Variants in GPATCH2 observed in about 807,000 individuals in gnomAD.
The protein encoded by GPATCH2 is G patch domain-containing protein 2.
A neutral mutation model predicts 58.0 loss-of-function variants in GPATCH2; 51 were observed. The ratio of observed to expected loss-of-function variants is 0.88; its 90% confidence interval spans 0.70 to 1.11. GPATCH2 has a LOEUF of 1.11. GPATCH2 is among the 50% of genes most tolerant of loss of function. GPATCH2 has a pLI of 0.00. For missense variants in GPATCH2, 625 were observed against 652.2 expected (o/e 0.96, Z 0.45); for synonymous variants, 222 against 218.5 (o/e 1.02, Z -0.14).
At chr1:217,534,242 A>C (rs536947757) in intron 5 of GPATCH2, among the ~76,000 whole-genome samples, 1 of 152,296 alleles carries the variant, frequency 6.6e-6, no homozygotes, top group African/African-American at 2.4e-5. Context: ...ATGAAAATAA[A>C]AAGATTCTTA....
chr1:217,449,205 G>A, intron 9 of GPATCH2, 44 bp downstream of exon 9: 1 of 961,644 alleles, frequency 1.0e-6, no homozygotes, highest in Middle Eastern at 2.1e-4. Flanking sequence ...CATGATTTAT[G>A]AACTCTACAT....
intron 5 of GPATCH2, among the ~76,000 whole-genome samples, chr1:217,604,583 C>T (rs1668269686): frequency 6.6e-6 from 1 of 152,080 alleles, no homozygotes; most frequent in African/African-American, 2.4e-5. Context: ...GAATTCCACT[C>T]AAAAAATGTT....
chr1:217,543,858 G>T (rs17046585), intron 5 of GPATCH2, among the ~76,000 whole-genome samples: 32,227 of 152,012 alleles, frequency 0.21, 4,033 homozygotes, highest in East Asian at 0.36. Context: ...GGCAGGAAAA[G>T]CCATAGTTAT....
intron 8 of GPATCH2, among the ~76,000 whole-genome samples, chr1:217,454,105 G>A (rs1659805830): frequency 6.6e-6 from 1 of 152,090 alleles, no homozygotes; most frequent in South Asian, 2.1e-4. Flanking sequence ...AGCCCCATGT[G>A]AACTTCCTTT....
chr1:217,619,168 C>T (rs1021017418), intron 2 of GPATCH2, among the ~76,000 whole-genome samples: 1 of 152,086 alleles, frequency 6.6e-6, no homozygotes, highest in African/African-American at 2.4e-5. Context: ...TGATCACTTA[C>T]CTTTTGATGC....
chr1:217,611,902 A>G (rs187751650), intron 3 of GPATCH2, among the ~76,000 whole-genome samples: 75 of 152,298 alleles, frequency 4.9e-4, no homozygotes, highest in African/African-American at 1.8e-3. Flanking sequence ...GACACAGGCC[A>G]GTCATGGTGG....
In GPATCH2 at chr1:217,617,545, G is replaced by GC. The variant is rs1399460771; in HGVS notation, c.773+2237dup. 4.6e-5 allele frequency among the ~76,000 whole-genome samples: 7 copies of GC among 151,938 alleles called. No homozygotes were observed. The South Asian group carries it at 6.2e-4, about 14-fold the overall frequency. On this transcript the variant is annotated intron_variant, in intron 2 of 9. Transcript: ENST00000366935. ...TTGTTAAATCTGACACACACACACA[G>GC]CCCCCCACACTGAAGTTTCTCTTAT...
At chr1:217,437,006 A>G (rs1271030111) in intron 9 of GPATCH2, among the ~76,000 whole-genome samples, 2 of 152,110 alleles carry the variant, frequency 1.3e-5, no homozygotes, top group African/African-American at 4.8e-5. Context: ...AAGGTGGGTG[A>G]TTTCTGCATT....
At chr1:217,595,766 C>T (rs1667795033) in intron 5 of GPATCH2, among the ~76,000 whole-genome samples, 1 of 152,074 alleles carries the variant, frequency 6.6e-6, no homozygotes, top group Non-Finnish European at 1.5e-5. Context: ...TCCCAAAGTG[C>T]TGGGATTACA....
chr1:217,492,828 A>G (rs1004233363), intron 7 of GPATCH2: 1 of 152,210 alleles, frequency 6.6e-6, no homozygotes, highest in Non-Finnish European at 1.5e-5. Context: ...CTTAAATGCT[A>G]TGATTATAAT....
rs188182722 is a variant in GPATCH2 at position 217,507,239 on chromosome 1, T to C, written c.1166+7583A>G. 9.1e-4 allele frequency among the ~76,000 whole-genome samples: 139 copies of C among 152,328 alleles called. 1 individual carries two copies. Among genetic ancestry groups the C allele is most frequent in the Admixed American group, 3.0e-3 (46 of 15,300 alleles). On this transcript the variant is annotated intron_variant, in intron 6 of 9. Transcript: ENST00000366935. Reference sequence around the variant, plus strand: ...GTAAAAGAATGAGAACACTGGGCTGTGTGATCTTTTAAGATTCCTTTGGGT... The same window carrying C: ...GTAAAAGAATGAGAACACTGGGCTGCGTGATCTTTTAAGATTCCTTTGGGT...
chr1:217,623,880 C>T (rs891510007), intron 1 of GPATCH2, among the ~76,000 whole-genome samples: 1 of 150,992 alleles, frequency 6.6e-6, no homozygotes, highest in Non-Finnish European at 1.5e-5. Context: ...CCAGCCTGGG[C>T]GAAAAGAGCA....
chr1:217,627,797 C>A (rs1235526755), intron 1 of GPATCH2, among the ~76,000 whole-genome samples: 1 of 151,412 alleles, frequency 6.6e-6, no homozygotes, highest in African/African-American at 2.4e-5. Flanking sequence ...GAAGACCATG[C>A]TTCTGATTTT....
At chr1:217,434,370 AAGC>A (rs972247172) in intron 9 of GPATCH2, among the ~76,000 whole-genome samples, 55 of 152,362 alleles carry the variant, frequency 3.6e-4, no homozygotes, top group African/African-American at 1.1e-3. Context: ...TATAACAAAA[AAGC>A]AGTTAATTTT....
Position 217,495,577 on chromosome 1 carries a change from A to G in GPATCH2, c.1206+2779T>C, listed in dbSNP as rs1042578341. On this transcript the variant is annotated intron_variant, in intron 7 of 9. Transcript: ENST00000366935. ...CTTCAGAATTAAAGAAGACAAAACA[A>G]AAAATGATGCTTCCTATAGTTGCCT... Among the ~76,000 whole-genome samples the G allele has an allele frequency of 5.3e-5, 8 of 152,340 alleles. No homozygotes were observed. In the East Asian group the frequency reaches 1.3e-3, roughly 26 times the overall value.
At chr1:217,616,979 T>C (rs1162719890) in intron 2 of GPATCH2, among the ~76,000 whole-genome samples, 1 of 151,838 alleles carries the variant, frequency 6.6e-6, no homozygotes, top group African/African-American at 2.4e-5. Context: ...TATCATATCG[T>C]AATTCACTTC....
intron 9 of GPATCH2, among the ~76,000 whole-genome samples, chr1:217,438,890 CAA>C (rs1658988295): frequency 6.6e-6 from 1 of 152,140 alleles, no homozygotes; most frequent in African/African-American, 2.4e-5. Flanking sequence ...TAGAGACCTA[CAA>C]AGAGACTTAG....
intron 5 of GPATCH2, among the ~76,000 whole-genome samples, chr1:217,554,334 A>G (rs75115756): frequency 0.091 from 13,786 of 152,210 alleles, 947 homozygotes; most frequent in African/African-American, 0.18. Flanking sequence ...GGGCAACCTC[A>G]TCCTCACTGA....
At position 217,430,509 on chromosome 1, in the gene GPATCH2, G is replaced by A. The variant is rs1443509259; in HGVS notation, c.*636C>T. The A allele has an allele frequency of 6.6e-6, 1 of 152,218 alleles. No homozygotes were observed. 9.4% of individuals were successfully genotyped at this position (152,218 alleles called of 1,614,324 possible). ...AGGGCACTCTGGTGATAACAACGAT[G>A]AGGTTTATTTTTGTCAAAACATCCA... On this transcript the variant is annotated 3_prime_UTR_variant, in exon 10 of 10. Transcript: ENST00000366935.
Sources: allele counts gnomAD v4.1 joint callset (sites outside exome capture counted in the v4.1 genomes callset), GRCh38; gene constraint gnomAD v4.1.1; transcripts MANE v1.5; gene names NCBI Gene and HGNC (gene_info 2026-07-23, HGNC 2026-07-21).